TPST2: variants seen among roughly 807,000 people sequenced by gnomAD.
The protein encoded by TPST2 is protein-tyrosine sulfotransferase 2.
TPST2 carries 16 observed loss-of-function variants against 27.8 expected under a neutral mutation model. The ratio of observed to expected loss-of-function variants is 0.58; its 90% confidence interval spans 0.39 to 0.88. The LOEUF (loss-of-function observed/expected upper bound fraction) is 0.88. Among genes scored for constraint, TPST2 ranks in the 40% least tolerant of loss-of-function variants. TPST2 has a pLI of 0.00. For missense variants in TPST2, 464 were observed against 543.1 expected (o/e 0.85, Z 1.45); for synonymous variants, 229 against 231.7 (o/e 0.99, Z 0.10).
rs1395778615 is a variant in TPST2, at chr22:26,586,942, T to C, written c.-161+3111A>G. Among the ~76,000 whole-genome samples, 3 of 152,316 alleles carry C rather than the reference T, an allele frequency of 2.0e-5. No individual in the cohort carries two copies. The East Asian group carries it at 5.8e-4, about 29-fold the overall frequency. Reference sequence around the variant, plus strand: ...TGAGAGGAGGGGGAAGATGTCTGTGTGTGCAGAATGTTCACAGATGAAGCG... The same window carrying C: ...TGAGAGGAGGGGGAAGATGTCTGTGCGTGCAGAATGTTCACAGATGAAGCG... On this transcript the variant is annotated intron_variant, in intron 1 of 6. Transcript: ENST00000338754.
At chr22:26,538,738 G>A (rs1201802272) in intron 3 of TPST2, among the ~76,000 whole-genome samples, 2 of 152,220 alleles carry the variant, frequency 1.3e-5, no homozygotes, top group African/African-American at 2.4e-5. Context: ...AGGGAGAACT[G>A]CTTGAACCCG....
chr22:26,555,410 GGT>G (rs906394881), intron 1 of TPST2: 4 of 365,128 alleles, frequency 1.1e-5, no homozygotes, highest in Non-Finnish European at 2.2e-5. Flanking sequence ...AGGCGATCTT[GGT>G]GTGGCCACTC....
At position 26,541,665 on chromosome 22, in the gene TPST2, G is replaced by A. The variant is rs1361787393; in HGVS notation, c.-35C>T. 3.9e-6 allele frequency: 6 copies of A among 1,521,892 alleles called. No homozygotes were observed. The East Asian group carries it at 1.2e-4, about 31-fold the overall frequency. The allele number at this position is 1,521,892 out of a possible 1,614,324, so 94.3% of individuals were successfully genotyped here. On this transcript the variant is annotated 5_prime_UTR_variant, in exon 3 of 7. Coordinates refer to ENST00000338754, the MANE Select transcript of TPST2 (RefSeq NM_003595.5). This position sits in a 1 kb window ranked among gnomAD's most constrained non-coding sequence, Gnocchi z 5.9. ...GAGGCAGGGTAGGCCTGGCCTGAGGGCCCGCTTCTGGGGCTTCAGCGACAG... is the reference window on the plus strand; with the variant it reads ...GAGGCAGGGTAGGCCTGGCCTGAGGACCCGCTTCTGGGGCTTCAGCGACAG...
chr22:26,561,559 T>G (rs975724313), intron 1 of TPST2, among the ~76,000 whole-genome samples: 1 of 152,236 alleles, frequency 6.6e-6, no homozygotes, highest in Non-Finnish European at 1.5e-5. Context: ...AAAGAAAAAG[T>G]TGCAGCTGTT....
At chr22:26,585,108 CA>C (rs1369773404) in intron 1 of TPST2, among the ~76,000 whole-genome samples, 1 of 152,220 alleles carries the variant, frequency 6.6e-6, no homozygotes, top group Non-Finnish European at 1.5e-5. Context: ...GAGAAACAGC[CA>C]ACAGCCCCAG....
rs1569193952 is a variant in TPST2 at position 26,570,049 on chromosome 22, A to AGACAGACAGAC, written c.-161+20003_-161+20004insGTCTGTCTGTC. Among the ~76,000 whole-genome samples the AGACAGACAGAC allele has an allele frequency of 2.9e-4, 28 of 95,956 alleles. 1 individual carries two copies. The highest frequency in any genetic ancestry group is 1.3e-3 in the African/African-American group (26 of 19,776). The allele number at this position is 95,956 out of a possible 152,430, so 63.0% of individuals were successfully genotyped here. ...AAAGAAAGAAAGAAAGAAAGACAGA[A>AGACAGACAGAC]AGAAAGAAAGAAAGAAGGAAAGAAA... is the stretch of plus-strand genomic sequence containing the variant. On this transcript the variant is annotated intron_variant, in intron 1 of 6. Coordinates refer to ENST00000338754, the MANE Select transcript of TPST2 (RefSeq NM_003595.5).
intron 4 of TPST2, 173 bp downstream of exon 4, chr22:26,536,115 A>G (rs1301396137): frequency 2.1e-6 from 2 of 972,914 alleles, no homozygotes; most frequent in Non-Finnish European, 1.6e-6. Context: ...CTGCAGCCCA[A>G]GCAAAATGGA....
chr22:26,561,606 T>C (rs1212643759), intron 1 of TPST2, among the ~76,000 whole-genome samples: 1 of 152,180 alleles, frequency 6.6e-6, no homozygotes, highest in Non-Finnish European at 1.5e-5. Context: ...TAAATACAAT[T>C]TTTTTATTAG....
At chr22:26,586,912 G>A (rs148880662) in intron 1 of TPST2, among the ~76,000 whole-genome samples, 1 of 152,326 alleles carries the variant, frequency 6.6e-6, no homozygotes, top group East Asian at 1.9e-4. Context: ...GGGTGGGGAA[G>A]GTGCTGAGAG....
Position 26,541,337 on chromosome 22 carries a change from C to T in TPST2, c.294G>A (p.Glu98=). ...LDAHPEVRCG[E]ETRIIPRVLA... ...GCACGCGCGGGATGATGCGGGTCTC[C>T]TCGCCGCAGCGCACCTCGGGGTGCG... is the stretch of plus-strand genomic sequence containing the variant. Residue 98 remains glutamate (E), a synonymous_variant, in exon 3 of 7, where the codon GAG becomes GAA. Transcript: ENST00000338754. The surrounding 1 kb of genome is among the most constrained non-coding windows in gnomAD (Gnocchi z 5.9). 2 of 1,549,124 alleles carry T rather than the reference C, an allele frequency of 1.3e-6. No individual in the cohort carries two copies. Among genetic ancestry groups the T allele is most frequent in the Non-Finnish European group, 1.7e-6 (2 of 1,145,792 alleles).
At chr22:26,535,952 G>C (rs1304487744) in intron 4 of TPST2, 1 of 407,886 alleles carries the variant, frequency 2.5e-6, no homozygotes, top group Non-Finnish European at 4.8e-6. Context: ...ACAAAGACTT[G>C]AGGTGCCTTA....
At chr22:26,580,531 A>C (rs1001875585) in intron 1 of TPST2, among the ~76,000 whole-genome samples, 3 of 152,198 alleles carry the variant, frequency 2.0e-5, no homozygotes, top group Non-Finnish European at 4.4e-5. Context: ...TCCCAATGTT[A>C]ATTACATCCA....
chr22:26,561,195 A>G, intron 1 of TPST2: 3 of 1,563,952 alleles, frequency 1.9e-6, no homozygotes, highest in East Asian at 4.5e-5. Context: ...TTTCTTGTCT[A>G]TAAAGCATTT....
Position 26,536,418 on chromosome 22 carries a change from T to C in TPST2, c.911A>G (p.His304Arg), listed in dbSNP as rs762576094. 8.2e-6 allele frequency: 13 copies of C among 1,580,994 alleles called. No homozygotes were observed. Among genetic ancestry groups the C allele is most frequent in the South Asian group, 1.2e-5 (1 of 86,878 alleles). The change falls in exon 4 of 7, where the codon CAC (histidine) becomes CGC (arginine). Residue 304 changes from histidine to arginine, a missense_variant. Coordinates refer to ENST00000338754, the MANE Select transcript of TPST2 (RefSeq NM_003595.5). ...NLEALSKWTG[H>R]IPGDVVRDMA... ...GTCCCGCACCACATCCCCAGGGATG[T>C]GGCCAGTCCACTTGGAGAGCGCTTC... is the stretch of plus-strand genomic sequence containing the variant.
chr22:26,544,421 C>T (rs142921718), intron 2 of TPST2, among the ~76,000 whole-genome samples, 183 bp downstream of exon 2: 5 of 152,308 alleles, frequency 3.3e-5, no homozygotes, highest in Non-Finnish European at 5.9e-5. Flanking sequence ...ATGATGCTTG[C>T]TGGGATGCAG....
At chr22:26,531,123 A>T (rs1925135845) in intron 5 of TPST2, among the ~76,000 whole-genome samples, 2 of 152,308 alleles carry the variant, frequency 1.3e-5, no homozygotes, top group South Asian at 4.1e-4. Context: ...TGCTTTTAGG[A>T]ACAAAATATG....
intron 1 of TPST2, among the ~76,000 whole-genome samples, chr22:26,581,009 TC>T (rs1225870013): frequency 8.7e-5 from 12 of 137,840 alleles, no homozygotes; most frequent in African/African-American, 3.5e-4. Flanking sequence ...CCCCCAACCC[TC>T]AACATACATA....
At position 26,541,285 on chromosome 22, in the gene TPST2, A is replaced by C. The variant is rs1569181436; in HGVS notation, c.346T>G (p.Ser116Ala). ...TCCAGCCGCAGCTTCTCACGGCCAG[A>C]CTTGGACCAGGCCTGGCGCATGGCC... ...VLAMRQAWSK[S>A]GREKLRLDEA... Residue 116 changes from serine to alanine, a missense_variant, in exon 3 of 7, where the codon TCT becomes GCT. Coordinates refer to ENST00000338754, the MANE Select transcript of TPST2 (RefSeq NM_003595.5). The surrounding 1 kb of genome is among the most constrained non-coding windows in gnomAD (Gnocchi z 5.9). The C allele has an allele frequency of 6.5e-7, 1 of 1,540,864 alleles. No homozygotes were observed. Among genetic ancestry groups the C allele is most frequent in the South Asian group, 1.3e-5 (1 of 79,468 alleles).
intron 1 of TPST2, among the ~76,000 whole-genome samples, chr22:26,552,211 A>G (rs974255297): frequency 1.3e-5 from 2 of 152,158 alleles, no homozygotes; most frequent in African/African-American, 4.8e-5. Context: ...ATTACAGCAC[A>G]TGGATAAAGA....
Sources: allele counts gnomAD v4.1 joint callset (sites outside exome capture counted in the v4.1 genomes callset), GRCh38; gene constraint gnomAD v4.1.1; non-coding constraint Gnocchi (gnomAD v3.1); transcripts MANE v1.5; gene names NCBI Gene and HGNC (gene_info 2026-07-23, HGNC 2026-07-21).